Variants in SEMA5A observed in about 807,000 individuals in gnomAD.
SEMA5A encodes semaphorin-5A.
Under a neutral mutation model 135.5 loss-of-function variants are expected in SEMA5A, and 55 were observed. The ratio of observed to expected loss-of-function variants is 0.41; its 90% CI spans 0.33 to 0.51. The LOEUF is 0.51. Among genes scored for constraint, SEMA5A ranks in the 20% least tolerant of loss-of-function variants. The pLI, the probability that SEMA5A is intolerant of heterozygous loss-of-function variation, is 0.37. For synonymous variants in SEMA5A, 580 were observed against 546.5 expected, an observed-to-expected ratio of 1.06 and a Z score of -0.85; for missense variants, 1,290 against 1,419.9, an observed-to-expected ratio of 0.91 and a Z score of 1.47.
At chr5:9,462,397 T>C (rs1759090636) in intron 1 of SEMA5A, among the ~76,000 whole-genome samples, 1 of 152,178 alleles carries the variant, frequency 6.6e-6, no homozygotes, top group Admixed American at 6.5e-5. Context: ...AGTTCAGCCA[T>C]TGTGGAAAGC....
At chr5:9,541,300 T>C (rs1738072453) in intron 1 of SEMA5A, among the ~76,000 whole-genome samples, 1 of 152,220 alleles carries the variant, frequency 6.6e-6, no homozygotes, top group Non-Finnish European at 1.5e-5. Flanking sequence ...TTACTCTCAA[T>C]TGTACATAAA....
intron 12 of SEMA5A, among the ~76,000 whole-genome samples, chr5:9,145,628 T>C (rs1003184187): frequency 5.4e-5 from 8 of 147,176 alleles, no homozygotes; most frequent in African/African-American, 2.0e-4. Flanking sequence ...GGAGTAGATA[T>C]TAAAGAAGAA....
At chr5:9,268,101 A>C (rs1281338463) in intron 5 of SEMA5A, among the ~76,000 whole-genome samples, 1 of 152,152 alleles carries the variant, frequency 6.6e-6, no homozygotes, top group African/African-American at 2.4e-5. Context: ...TTATACCTAT[A>C]GTAGTTGGTT....
At chr5:9,216,888 A>G (rs542591280) in intron 8 of SEMA5A, among the ~76,000 whole-genome samples, 17 of 152,258 alleles carry the variant, frequency 1.1e-4, no homozygotes, top group African/African-American at 3.8e-4. Flanking sequence ...CATGTGACAC[A>G]GGTCTCTTGA....
chr5:9,238,735 T>C (rs1311302252), intron 5 of SEMA5A, among the ~76,000 whole-genome samples: 1 of 151,888 alleles, frequency 6.6e-6, no homozygotes, highest in Non-Finnish European at 1.5e-5. Flanking sequence ...GTATAGAGTG[T>C]GAACTTTTAT....
At chr5:9,084,775 G>A (rs1738587242) in intron 16 of SEMA5A, among the ~76,000 whole-genome samples, 1 of 152,184 alleles carries the variant, frequency 6.6e-6, no homozygotes, top group East Asian at 1.9e-4. Context: ...CCAAAATGTA[G>A]AAGTGACTTT....
intron 11 of SEMA5A, among the ~76,000 whole-genome samples, chr5:9,179,851 T>C (rs1744406718): frequency 1.3e-5 from 2 of 152,176 alleles, no homozygotes; most frequent in African/African-American, 4.8e-5. Context: ...GGTATATTAG[T>C]AACCTAGGGG....
At chr5:9,173,819 G>A (rs1408808090) in intron 11 of SEMA5A, among the ~76,000 whole-genome samples, 1 of 152,168 alleles carries the variant, frequency 6.6e-6, no homozygotes, top group Non-Finnish European at 1.5e-5. Context: ...GATCTGATGA[G>A]TAAGACAGGA....
chr5:9,179,539 G>A (rs1425452821), intron 11 of SEMA5A, among the ~76,000 whole-genome samples: 2 of 152,064 alleles, frequency 1.3e-5, no homozygotes, highest in African/African-American at 4.8e-5. Flanking sequence ...TTTGTGGTTG[G>A]GAGACCAGGC....
At chr5:9,273,188 G>A (rs2150545884) in intron 5 of SEMA5A, among the ~76,000 whole-genome samples, 2 of 152,170 alleles carry the variant, frequency 1.3e-5, no homozygotes, top group East Asian at 3.9e-4. Context: ...AATTCGTGAA[G>A]CATACACAAG....
chr5:9,418,621 A>G (rs1383824062), intron 2 of SEMA5A, among the ~76,000 whole-genome samples: 1 of 152,148 alleles, frequency 6.6e-6, no homozygotes, highest in South Asian at 2.1e-4. Context: ...ACATCTGACA[A>G]CTGCCCTCCA....
At chr5:9,371,859 T>G (rs1467005459) in intron 3 of SEMA5A, among the ~76,000 whole-genome samples, 1 of 152,184 alleles carries the variant, frequency 6.6e-6, no homozygotes, top group African/African-American at 2.4e-5. Flanking sequence ...AAATTTTAGT[T>G]TACAGAGAAA....
At position 9,372,094 on chromosome 5, in the gene SEMA5A, A is replaced by C. The variant is rs931367511; in HGVS notation, c.124+7729T>G. On this transcript the variant is annotated intron_variant, in intron 3 of 22. Transcript: ENST00000382496. ...CAGTGGTAGATCTGAGACTAGATGA[A>C]CAGAGAGAAATACTGGAAGCAGTTT... Among the ~76,000 whole-genome samples the C allele has an allele frequency of 7.2e-5, 11 of 152,252 alleles. 1 individual carries two copies. Among genetic ancestry groups the C allele is most frequent in the Admixed American group, 5.9e-4 (9 of 15,292 alleles).
intron 5 of SEMA5A, among the ~76,000 whole-genome samples, chr5:9,243,068 C>A (rs40659): frequency 6.6e-6 from 1 of 152,046 alleles, no homozygotes; most frequent in Non-Finnish European, 1.5e-5. Context: ...GCGTTCTGTT[C>A]TCTAATTGGG....
chr5:9,532,227 C>T (rs1041854536), intron 1 of SEMA5A, among the ~76,000 whole-genome samples: 6 of 151,718 alleles, frequency 4.0e-5, no homozygotes, highest in Non-Finnish European at 7.4e-5. Context: ...TATTACTTTA[C>T]AGGTGAACAA....
chr5:9,387,696 AAT>A (rs1473524450), intron 2 of SEMA5A, among the ~76,000 whole-genome samples: 1 of 152,260 alleles, frequency 6.6e-6, no homozygotes, highest in Non-Finnish European at 1.5e-5. Context: ...TAGGAAATGG[AAT>A]TAAATGAAGA....
intron 12 of SEMA5A, among the ~76,000 whole-genome samples, chr5:9,153,016 C>T (rs559194452): frequency 3.3e-5 from 5 of 150,498 alleles, no homozygotes; most frequent in Non-Finnish European, 7.4e-5. Flanking sequence ...TGCAGTGAGC[C>T]GAGATCACAC....
intron 3 of SEMA5A, among the ~76,000 whole-genome samples, chr5:9,354,791 A>AGTCT (rs571340591): frequency 8.4e-4 from 128 of 152,330 alleles, no homozygotes; most frequent in Non-Finnish European, 1.4e-3. Context: ...GAGGAAGGCC[A>AGTCT]GTCTGTGCAG....
At chr5:9,063,745 C>A (rs1448001144) in intron 17 of SEMA5A, among the ~76,000 whole-genome samples, 1 of 152,112 alleles carries the variant, frequency 6.6e-6, no homozygotes, top group Non-Finnish European at 1.5e-5. Context: ...AAATGTGTTT[C>A]CCAAGGAGCC....
Sources: gnomAD v4.1 joint callset for allele counts (sites outside exome capture counted in the v4.1 genomes callset) on GRCh38, gnomAD v4.1.1 for gene constraint, MANE v1.5 for transcripts, NCBI Gene and HGNC (gene_info 2026-07-23, HGNC 2026-07-21) for gene names.